BMERB1: variants seen among roughly 807,000 people sequenced by gnomAD.
BMERB1 encodes bMERB domain-containing protein 1.
Under a neutral mutation model 23.6 loss-of-function variants are expected in BMERB1, and 12 were observed. The observed-to-expected ratio is 0.51, with a 90% confidence interval of 0.33 to 0.82. The LOEUF (loss-of-function observed/expected upper bound fraction) is 0.82. Among genes scored for constraint, BMERB1 ranks in the 40% least tolerant of loss-of-function variants. The pLI, the probability that BMERB1 is intolerant of heterozygous loss-of-function variation, is 0.03. For missense variants in BMERB1, 247 were observed against 255.4 expected, an observed-to-expected ratio of 0.97 and a Z score of 0.22; for synonymous variants, 122 against 96.6, an observed-to-expected ratio of 1.26 and a Z score of -1.54.
At chr16:15,474,418 G>A (rs779192855) in intron 1 of BMERB1, among the ~76,000 whole-genome samples, 9 of 151,940 alleles carry the variant, frequency 5.9e-5, no homozygotes, top group Non-Finnish European at 1.2e-4. Context: ...AGGGTGGAGC[G>A]CAGTGGCACA....
At chr16:15,537,703 G>T (rs989424713) in intron 2 of BMERB1, among the ~76,000 whole-genome samples, 1 of 151,864 alleles carries the variant, frequency 6.6e-6, no homozygotes, top group African/African-American at 2.4e-5. Context: ...CTGTTGCCCA[G>T]GCTGGAGTGC....
chr16:15,496,867 CAG>C (rs1239544952), intron 1 of BMERB1, among the ~76,000 whole-genome samples: 15 of 152,210 alleles, frequency 9.9e-5, no homozygotes, highest in African/African-American at 3.4e-4. Context: ...AGTGGAAACT[CAG>C]AGAATTTAAA....
intron 2 of BMERB1, among the ~76,000 whole-genome samples, chr16:15,545,114 AG>A (rs572026828): frequency 1.7e-4 from 26 of 152,192 alleles, no homozygotes; most frequent in Admixed American, 1.5e-3. Context: ...CTGGGATTAT[AG>A]GCACCCGCCA....
At chr16:15,574,908 G>A (rs1473962425) in intron 3 of BMERB1, among the ~76,000 whole-genome samples, 29 of 152,196 alleles carry the variant, frequency 1.9e-4, no homozygotes, top group Non-Finnish European at 1.5e-5. Context: ...CGAGACCCCC[G>A]TCTCTACTAA....
At chr16:15,564,270 T>C (rs1270883944) in intron 2 of BMERB1, among the ~76,000 whole-genome samples, 1 of 152,260 alleles carries the variant, frequency 6.6e-6, no homozygotes, top group Non-Finnish European at 1.5e-5. Context: ...CCCATAAGCC[T>C]AAGGACCATT....
At chr16:15,485,346 T>G (rs1174551439) in intron 1 of BMERB1, among the ~76,000 whole-genome samples, 1 of 152,210 alleles carries the variant, frequency 6.6e-6, no homozygotes. Context: ...GGCCTGATCT[T>G]GATCTTGTCA....
At chr16:15,540,534 A>G (rs1291641562) in intron 2 of BMERB1, among the ~76,000 whole-genome samples, 1 of 152,184 alleles carries the variant, frequency 6.6e-6, no homozygotes. Context: ...TCAAATAATA[A>G]TAATAATAGA....
At chr16:15,506,012 T>C (rs2150945678) in intron 1 of BMERB1, among the ~76,000 whole-genome samples, 1 of 152,220 alleles carries the variant, frequency 6.6e-6, no homozygotes, top group African/African-American at 2.4e-5. Flanking sequence ...TTGTAGCTCT[T>C]TTGACCTTAG....
chr16:15,518,020 T>C (rs1005358815), intron 2 of BMERB1, among the ~76,000 whole-genome samples: 6 of 151,798 alleles, frequency 4.0e-5, no homozygotes, highest in African/African-American at 1.5e-4. Flanking sequence ...TGGGTGTGGA[T>C]GTGTGCGTGT....
rs189318090 is a variant in BMERB1 at position 15,542,284 on chromosome 16, C to T, written c.231-25699C>T. On this transcript the variant is annotated intron_variant, in intron 2 of 5. Transcript: ENST00000300006. The stretch of plus-strand genomic sequence containing the variant: ...TTCACCATATTGGCCAGGCTGGTCT[C>T]GAACTCCTGACCTCGTGATCTGCCG... Among the ~76,000 whole-genome samples the T allele has an allele frequency of 2.0e-3, 307 of 150,210 alleles. 2 individuals carry two copies. The highest frequency in any genetic ancestry group is 2.2e-3 in the Non-Finnish European group (152 of 68,008).
intron 1 of BMERB1, among the ~76,000 whole-genome samples, chr16:15,462,720 G>C (rs1307410160): frequency 1.3e-5 from 2 of 152,176 alleles, no homozygotes; most frequent in African/African-American, 4.8e-5. Flanking sequence ...CAGACATTTA[G>C]TTTACTGGGA....
intron 3 of BMERB1, among the ~76,000 whole-genome samples, 164 bp from the exon 4 acceptor site, chr16:15,581,053 C>T (rs371200338): frequency 1.8e-3 from 271 of 151,984 alleles, no homozygotes; most frequent in African/African-American, 6.2e-3. Flanking sequence ...AGCTGGAATT[C>T]CAGGTGTGTG....
chr16:15,506,004 G>A (rs1015401386), intron 1 of BMERB1, among the ~76,000 whole-genome samples: 1 of 151,742 alleles, frequency 6.6e-6, no homozygotes, highest in Non-Finnish European at 1.5e-5. Context: ...ACACTGTTTT[G>A]TAGCTCTTTT....
intron 2 of BMERB1, among the ~76,000 whole-genome samples, chr16:15,558,496 G>A (rs575386338): frequency 6.6e-6 from 1 of 152,152 alleles, no homozygotes; most frequent in Admixed American, 6.5e-5. Context: ...TGGGCCCTCT[G>A]ACGTCAAAAG....
chr16:15,558,719 T>G (rs76350734), intron 2 of BMERB1, among the ~76,000 whole-genome samples: 3,549 of 149,032 alleles, frequency 0.024, 161 homozygotes, highest in African/African-American at 0.084. Context: ...GGTGGGGGGG[T>G]TAGGTATATA....
At chr16:15,504,109 T>C (rs2051558494) in intron 1 of BMERB1, among the ~76,000 whole-genome samples, 1 of 152,178 alleles carries the variant, frequency 6.6e-6, no homozygotes, top group Non-Finnish European at 1.5e-5. Flanking sequence ...ATGAAGAAAC[T>C]GAGGTGCCCA....
At chr16:15,494,807 A>T (rs2051457453) in intron 1 of BMERB1, among the ~76,000 whole-genome samples, 1 of 151,996 alleles carries the variant, frequency 6.6e-6, no homozygotes, top group Non-Finnish European at 1.5e-5. Context: ...AAAGGACTTA[A>T]TGATCTTATT....
chr16:15,487,862 A>T (rs903271152), intron 1 of BMERB1, among the ~76,000 whole-genome samples: 1 of 152,198 alleles, frequency 6.6e-6, no homozygotes, highest in African/African-American at 2.4e-5. Flanking sequence ...TAGCATGGTA[A>T]TGCATTATAA....
chr16:15,479,047 T>C (rs758338170), intron 1 of BMERB1, among the ~76,000 whole-genome samples: 1 of 152,188 alleles, frequency 6.6e-6, no homozygotes, highest in Non-Finnish European at 1.5e-5. Flanking sequence ...GAAACTCTGA[T>C]TTTTCAGCCT....
Sources: gnomAD v4.1 joint callset for allele counts (sites outside exome capture counted in the v4.1 genomes callset) on GRCh38, gnomAD v4.1.1 for gene constraint, MANE v1.5 for transcripts, NCBI Gene and HGNC (gene_info 2026-07-23, HGNC 2026-07-21) for gene names.